Variants in LSAMP observed in about 807,000 individuals in gnomAD.
LSAMP encodes limbic system-associated membrane protein.
Under a neutral mutation model 38.6 loss-of-function variants are expected in LSAMP, and 7 were observed. That is an observed-to-expected ratio of 0.18 (90% CI 0.10 to 0.34). LSAMP has a LOEUF of 0.34. LSAMP is among the 10% of genes least tolerant of loss of function. The pLI is 1.00. For synonymous variants in LSAMP, 154 were observed against 166.8 expected, an observed-to-expected ratio of 0.92 and a Z score of 0.59; for missense variants, 313 against 420.0, an observed-to-expected ratio of 0.75 and a Z score of 2.23.
intron 1 of LSAMP, among the ~76,000 whole-genome samples, chr3:116,336,457 T>C (rs1044477253): frequency 5.3e-5 from 8 of 151,964 alleles, no homozygotes; most frequent in African/African-American, 9.7e-5. Flanking sequence ...CGAACCTGAA[T>C]AGACACTTCT....
At chr3:116,252,954 C>T (rs890285468) in intron 1 of LSAMP, among the ~76,000 whole-genome samples, 14 of 152,194 alleles carry the variant, frequency 9.2e-5, no homozygotes, top group African/African-American at 3.1e-4. Flanking sequence ...ACCTGACCAT[C>T]TTAAGAAAGA....
intron 1 of LSAMP, among the ~76,000 whole-genome samples, chr3:116,151,865 CAT>C (rs1037674673): frequency 1.3e-5 from 2 of 152,062 alleles, no homozygotes; most frequent in African/African-American, 4.8e-5. Flanking sequence ...TGACTAGGCA[CAT>C]GTTTCTTTTT....
intron 3 of LSAMP, among the ~76,000 whole-genome samples, chr3:115,983,756 A>G (rs1184658996): frequency 1.3e-5 from 2 of 152,172 alleles, no homozygotes; most frequent in Non-Finnish European, 2.9e-5. Flanking sequence ...CTAGTGGAAA[A>G]CACAGATGAT....
At chr3:115,868,635 A>G (rs999412834) in intron 3 of LSAMP, among the ~76,000 whole-genome samples, 1 of 152,156 alleles carries the variant, frequency 6.6e-6, no homozygotes, top group Non-Finnish European at 1.5e-5. Flanking sequence ...TAATTAACTC[A>G]TTTTAAATAC....
chr3:116,406,105 G>A (rs374897266), intron 1 of LSAMP, among the ~76,000 whole-genome samples: 12 of 152,066 alleles, frequency 7.9e-5, no homozygotes, highest in Non-Finnish European at 1.5e-4. Context: ...AAATCTGGAC[G>A]TGTACATCTG....
At chr3:115,842,270 A>T (rs1252630648) in intron 5 of LSAMP, among the ~76,000 whole-genome samples, 188 bp downstream of exon 5, 2 of 152,202 alleles carry the variant, frequency 1.3e-5, no homozygotes, top group Non-Finnish European at 2.9e-5. Context: ...ATTTTACCTG[A>T]CTGCTTTTGG....
At chr3:116,190,156 A>G (rs1000384986) in intron 1 of LSAMP, among the ~76,000 whole-genome samples, 1 of 149,546 alleles carries the variant, frequency 6.7e-6, no homozygotes, top group Non-Finnish European at 1.5e-5. Context: ...CACAGCTAAA[A>G]TCTTTTTAAG....
chr3:115,876,490 A>T (rs1382907098), intron 3 of LSAMP, among the ~76,000 whole-genome samples: 1 of 151,924 alleles, frequency 6.6e-6, no homozygotes, highest in Non-Finnish European at 1.5e-5. Flanking sequence ...ACTGTCTGCC[A>T]CTGAGTACGA....
chr3:116,120,574 C>A (rs1196029623), intron 1 of LSAMP, among the ~76,000 whole-genome samples: 1 of 152,146 alleles, frequency 6.6e-6, no homozygotes, highest in East Asian at 1.9e-4. Context: ...GAGGAACAAG[C>A]TTCTAGGGTG....
chr3:116,212,667 AC>A (rs2046173543), intron 1 of LSAMP, among the ~76,000 whole-genome samples: 1 of 152,230 alleles, frequency 6.6e-6, no homozygotes, highest in Non-Finnish European at 1.5e-5. Flanking sequence ...TAATGTAGGA[AC>A]CTTATAAAAA....
chr3:115,900,869 A>G (rs1936856923), intron 3 of LSAMP, among the ~76,000 whole-genome samples: 1 of 152,234 alleles, frequency 6.6e-6, no homozygotes, highest in Non-Finnish European at 1.5e-5. Flanking sequence ...GTTCATGGCT[A>G]TAGATCCTGG....
chr3:116,273,863 AT>A (rs1479731923), intron 1 of LSAMP, among the ~76,000 whole-genome samples: 10 of 143,776 alleles, frequency 7.0e-5, no homozygotes, highest in Non-Finnish European at 1.5e-4. Flanking sequence ...GTCTGGGCTT[AT>A]TCTTCTAATC....
chr3:115,922,255 C>A (rs1937399945), intron 3 of LSAMP, among the ~76,000 whole-genome samples: 1 of 151,852 alleles, frequency 6.6e-6, no homozygotes. Flanking sequence ...GTTTTCTTTA[C>A]TTTTTTAGTT....
chr3:116,430,395 T>C (rs1261812308), intron 1 of LSAMP, among the ~76,000 whole-genome samples: 2 of 152,124 alleles, frequency 1.3e-5, no homozygotes, highest in Non-Finnish European at 2.9e-5. Flanking sequence ...AATTATGAAA[T>C]ATAAGTACTA....
At chr3:115,912,583 G>A (rs1284504174) in intron 3 of LSAMP, among the ~76,000 whole-genome samples, 2 of 152,278 alleles carry the variant, frequency 1.3e-5, no homozygotes, top group Middle Eastern at 3.4e-3. Flanking sequence ...ACTGTGTTGC[G>A]TCATTGCAGC....
intron 3 of LSAMP, among the ~76,000 whole-genome samples, chr3:116,011,344 C>A (rs1940318981): frequency 6.6e-6 from 1 of 152,138 alleles, no homozygotes; most frequent in South Asian, 2.1e-4. Flanking sequence ...ATAAGTTATA[C>A]TGGTAAAATG....
chr3:116,359,593 T>G (rs921540091), intron 1 of LSAMP, among the ~76,000 whole-genome samples: 1 of 152,194 alleles, frequency 6.6e-6, no homozygotes, highest in Non-Finnish European at 1.5e-5. Flanking sequence ...TATTTTTAAG[T>G]TCAGGGGTAC....
At chr3:116,237,117 G>C (rs1184781217) in intron 1 of LSAMP, among the ~76,000 whole-genome samples, 1 of 152,004 alleles carries the variant, frequency 6.6e-6, no homozygotes, top group Non-Finnish European at 1.5e-5. Flanking sequence ...TTATAATTCA[G>C]TTGGAATATA....
chr3:116,131,778 C>CAG lies in LSAMP; in HGVS notation c.156-45224_156-45223dup, dbSNP rs149360106. ...GATAAACCCAACCCACAGTGTCAAA[C>CAG]AGAGAGAGAGACTGAGTCCTATAAC... On this transcript the variant is annotated intron_variant, in intron 1 of 6. Transcript: ENST00000490035. Among the ~76,000 whole-genome samples the CAG allele has an allele frequency of 9.2e-3, 1,401 of 151,730 alleles. 33 individuals carry two copies. In the East Asian group the frequency reaches 0.1, roughly 11 times the overall value.
Sources: allele counts gnomAD v4.1 joint callset (sites outside exome capture counted in the v4.1 genomes callset), GRCh38; gene constraint gnomAD v4.1.1; transcripts MANE v1.5; gene names NCBI Gene and HGNC (gene_info 2026-07-23, HGNC 2026-07-21).